The following UNC93A variants were observed in gnomAD, a reference collection of about 807,000 sequenced individuals.
UNC93A encodes N-acetylglucosamine transporter UNC93A.
In UNC93A, 43 loss-of-function variants were observed where a neutral mutation model predicts 47.5. The observed-to-expected ratio is 0.91, with a 90% CI of 0.71 to 1.17. The LOEUF (loss-of-function observed/expected upper bound fraction) is 1.17, where lower values mean the gene tolerates loss of function less well. UNC93A is among the 50% of genes most tolerant of loss of function. The pLI is 0.00. For synonymous variants in UNC93A, 280 were observed against 258.0 expected, an observed-to-expected ratio of 1.09 and a Z score of -0.82; for missense variants, 605 against 577.6, an observed-to-expected ratio of 1.05 and a Z score of -0.49.
At chr6:167,270,056 GTGGGGGT>G (rs1783425504), upstream of UNC93A, among the ~76,000 whole-genome samples, 2 of 139,362 alleles carry the variant, frequency 1.4e-5, no homozygotes, top group African/African-American at 5.3e-5. Flanking sequence ...CGGGGTGGGG[GTGGGGGT>G]GGGGGGGGGG....
At chr6:167,299,496 C>T (rs765032147) in intron 4 of UNC93A, among the ~76,000 whole-genome samples, 13 of 152,184 alleles carry the variant, frequency 8.5e-5, no homozygotes, top group Admixed American at 2.6e-4. Context: ...GTACTGAGCA[C>T]GTGCTAGGCC....
chr6:167,271,295 G>T (rs415339), exon 1 of UNC93A: 16,468 of 120,326 alleles, frequency 0.14, 1,348 homozygotes, highest in African/African-American at 0.28. Context: ...GCTGTGCAGA[G>T]TTTAGCAAGG....
intron 2 of UNC93A, among the ~76,000 whole-genome samples, chr6:167,295,406 C>G (rs1242604707): frequency 6.6e-6 from 1 of 150,936 alleles, no homozygotes; most frequent in Non-Finnish European, 1.5e-5. Context: ...TCGCCTCCCT[C>G]GTGCTCCTCG....
chr6:167,295,703 TCGCC>T (rs1778060571), intron 2 of UNC93A, among the ~76,000 whole-genome samples: 1 of 134,468 alleles, frequency 7.4e-6, no homozygotes, highest in Non-Finnish European at 1.6e-5. Context: ...CTCGTGCTCC[TCGCC>T]TCCCTCGTGC....
intron 2 of UNC93A, among the ~76,000 whole-genome samples, chr6:167,295,684 C>T (rs1470606792): frequency 8.1e-6 from 1 of 122,880 alleles, no homozygotes; most frequent in Non-Finnish European, 1.6e-5. Context: ...CCTCGTGCTC[C>T]TCGCCTGCCT....
rs553037868 is a variant in UNC93A, at chr6:167,315,264, G to A, written c.1186G>A (p.Val396Ile). 4.6e-5 allele frequency: 74 copies of A among 1,613,634 alleles called. No homozygotes were observed. The highest frequency in any genetic ancestry group is 6.7e-5 in the Admixed American group (4 of 59,990). Residue 396 changes from valine (V) to isoleucine (I), a missense_variant, in exon 8 of 8, where the codon GTC (valine) becomes ATC (isoleucine). Val to Ile is a conservative substitution (Grantham distance 29). Transcript: ENST00000230256. Reference protein sequence around the residue: ...NYRLWEALGFVIAFGYSMFLC... With the variant: ...NYRLWEALGFIIAFGYSMFLC... ...CCGCCTGTGGGAGGCCCTGGGCTTC[G>A]TCATTGCCTTCGGGTACAGCATGTT...
intron 3 of UNC93A, 45 bp from the exon 4 acceptor site, chr6:167,297,900 A>G (rs913719224): frequency 6.2e-7 from 1 of 1,601,134 alleles, no homozygotes; most frequent in African/African-American, 1.3e-5. Flanking sequence ...ACATCTTGTC[A>G]CATTTGCCGT....
At chr6:167,274,547 C>A (rs1783507034) in intron 1 of UNC93A, among the ~76,000 whole-genome samples, 1 of 152,142 alleles carries the variant, frequency 6.6e-6, no homozygotes, top group Non-Finnish European at 1.5e-5. Flanking sequence ...TACATTAACT[C>A]AAGGCCTGGA....
At chr6:167,294,240 G>A (rs1037563315) in intron 1 of UNC93A, among the ~76,000 whole-genome samples, 5 of 152,308 alleles carry the variant, frequency 3.3e-5, no homozygotes, top group South Asian at 2.1e-4. Flanking sequence ...CCACAGAGGC[G>A]TGAGCGGCTC....
chr6:167,294,947 G>C (rs977323276), intron 2 of UNC93A, among the ~76,000 whole-genome samples: 1 of 152,070 alleles, frequency 6.6e-6, no homozygotes, highest in Non-Finnish European at 1.5e-5. Context: ...CCCGATGCTG[G>C]CCTCTCCCTG....
At position 167,296,201 on chromosome 6, in the gene UNC93A, T is replaced by G. The variant is rs571538352; in HGVS notation, c.439T>G (p.Ser147Ala). Residue 147 changes from serine to alanine, a missense_variant, in exon 3 of 8, where the codon TCA (serine) becomes GCA (alanine). By Grantham distance (99) the Ser-to-Ala change is moderately conservative. Transcript: ENST00000230256. The stretch of plus-strand genomic sequence containing the variant: ...TGGCATCTTCTTCCTCATATTCCAG[T>G]CATCCGGTGTGTGGGGCAACTTGAT... Reference protein sequence around the residue: ...YFGIFFLIFQSSGVWGNLISS... With the variant: ...YFGIFFLIFQASGVWGNLISS... 3 of 1,614,214 alleles carry G rather than the reference T, an allele frequency of 1.9e-6. No homozygotes were observed. Among genetic ancestry groups the G allele is most frequent in the Admixed American group, 1.7e-5 (1 of 60,026 alleles).
intron 1 of UNC93A, among the ~76,000 whole-genome samples, chr6:167,275,387 C>G (rs947430529): frequency 6.6e-6 from 1 of 152,208 alleles, no homozygotes; most frequent in Non-Finnish European, 1.5e-5. Context: ...CACACCCTTC[C>G]GTTTCCCTAA....
chr6:167,275,664 G>C (rs1433250043), intron 1 of UNC93A, among the ~76,000 whole-genome samples: 1 of 152,248 alleles, frequency 6.6e-6, no homozygotes, highest in African/African-American at 2.4e-5. Context: ...CAGCAGGCTG[G>C]CTGGACCAGC....
intron 3 of UNC93A, among the ~76,000 whole-genome samples, chr6:167,297,223 G>C (rs1318356235): frequency 6.6e-6 from 1 of 152,176 alleles, no homozygotes; most frequent in Non-Finnish European, 1.5e-5. Flanking sequence ...AGTCAGCACA[G>C]GACACAGAAT....
Position 167,297,798 on chromosome 6 carries a change from G to A in UNC93A, c.500-147G>A, listed in dbSNP as rs1459317899. 3.1e-6 allele frequency: 3 copies of A among 980,188 alleles called. No individual in the cohort carries two copies. The Admixed American group carries it at 7.3e-5, about 24-fold the overall frequency. The allele number at this position is 980,188 out of a possible 1,614,324, so 60.7% of individuals were successfully genotyped here. ...CCTAGACTCGATCTAAATCTATTTT[G>A]AGACACTGGGTCTTTCCACGTGACC... is the stretch of plus-strand genomic sequence containing the variant. On this transcript the variant is annotated intron_variant, in intron 3 of 7. Transcript: ENST00000230256.
upstream of UNC93A, among the ~76,000 whole-genome samples, chr6:167,288,204 G>T (rs1783774492): frequency 6.6e-6 from 1 of 152,188 alleles, no homozygotes; most frequent in Non-Finnish European, 1.5e-5. Context: ...TTAGCTAAGG[G>T]TCTTGGCTGA....
At chr6:167,297,629 A>G (rs1562352040) in intron 3 of UNC93A, among the ~76,000 whole-genome samples, 2 of 152,184 alleles carry the variant, frequency 1.3e-5, no homozygotes, top group Admixed American at 1.3e-4. Flanking sequence ...AATTTTGAAA[A>G]CTTGAAAAAT....
At chr6:167,307,637 T>C (rs1268565532) in intron 6 of UNC93A, 142 bp from the exon 7 acceptor site, 1 of 975,868 alleles carries the variant, frequency 1.0e-6, no homozygotes, top group African/African-American at 1.6e-5. Context: ...ACGGTTGAGA[T>C]GGTTGAGATG....
upstream of UNC93A, among the ~76,000 whole-genome samples, chr6:167,270,801 G>A (rs1311075108): frequency 1.3e-5 from 2 of 152,208 alleles, no homozygotes; most frequent in Non-Finnish European, 2.9e-5. Context: ...AGAGCTAAGA[G>A]CAAGGCATTG....
Sources: allele counts gnomAD v4.1 joint callset (sites outside exome capture counted in the v4.1 genomes callset), GRCh38; gene constraint gnomAD v4.1.1; transcripts MANE v1.5; gene names NCBI Gene and HGNC (gene_info 2026-07-23, HGNC 2026-07-21).